SSH2: variants seen among roughly 807,000 people sequenced by gnomAD.
SSH2 encodes the protein protein phosphatase Slingshot homolog 2.
In SSH2, 37 loss-of-function variants were observed where a neutral mutation model predicts 135.2. That is an observed-to-expected ratio of 0.27 (90% confidence interval 0.21 to 0.36). The LOEUF (loss-of-function observed/expected upper bound fraction) is 0.36, where lower values mean the gene tolerates loss of function less well. Ranked by LOEUF, SSH2 falls within the 10% of genes least tolerant of loss-of-function variation. The probability of loss-of-function intolerance (pLI) is 1.00; values close to 1 mark genes in which losing one functional copy is unlikely to be tolerated. For synonymous variants in SSH2, 628 were observed against 646.2 expected, an observed-to-expected ratio of 0.97 and a Z score of 0.43; for missense variants, 1,408 against 1,765.3, an observed-to-expected ratio of 0.80 and a Z score of 3.63.
intron 4 of SSH2, among the ~76,000 whole-genome samples, chr17:29,700,249 C>T (rs1226744240): frequency 6.6e-6 from 1 of 152,144 alleles, no homozygotes; most frequent in South Asian, 2.1e-4. Context: ...TTTATGACAA[C>T]AAGCAATCAC....
At chr17:29,859,478 C>G (rs2065722868) in intron 1 of SSH2, among the ~76,000 whole-genome samples, 1 of 152,116 alleles carries the variant, frequency 6.6e-6, no homozygotes, top group African/African-American at 2.4e-5. Context: ...GCCCTGGTGT[C>G]TGTGTTCCCC....
At chr17:29,839,805 A>G (rs1334430294) in intron 2 of SSH2, among the ~76,000 whole-genome samples, 1 of 152,208 alleles carries the variant, frequency 6.6e-6, no homozygotes, top group East Asian at 1.9e-4. Flanking sequence ...CATTACATTC[A>G]AGGGCAAAGG....
intron 15 of SSH2, 105 bp from the exon 16 acceptor site, chr17:29,633,036 A>G (rs555334095): frequency 9.4e-5 from 97 of 1,035,824 alleles, no homozygotes; most frequent in Non-Finnish European, 4.5e-5. Flanking sequence ...CTATCTGACT[A>G]AGAGAATACA....
At position 29,632,225 on chromosome 17, in the gene SSH2, T is replaced by C; in HGVS notation, c.2969A>G (p.Asp990Gly). 1 of 1,613,902 alleles carries C rather than the reference T, an allele frequency of 6.2e-7. No individual in the cohort carries two copies. Among genetic ancestry groups the C allele is most frequent in the Non-Finnish European group, 8.5e-7 (1 of 1,179,912 alleles). Reference sequence around the variant, plus strand: ...GCCCTCCTGAGGATCTGGCAAGTGGTCAAACTCCAGCACCCTGGGAGCTGG... The same window carrying C: ...GCCCTCCTGAGGATCTGGCAAGTGGCCAAACTCCAGCACCCTGGGAGCTGG... Reference protein sequence around the residue: ...TVPAPRVLEFDHLPDPQEGPG... With the variant: ...TVPAPRVLEFGHLPDPQEGPG... Residue 990 changes from aspartate to glycine, a missense_variant, in exon 16 of 16, where the codon GAC (aspartate) becomes GGC (glycine). By Grantham distance (94) the Asp-to-Gly change is moderately conservative (BLOSUM62 -1). Around this residue, in one of 3 missense-constraint regions of SSH2, gnomAD observed 1,080 missense variants for 1,144.5 expected, o/e 0.94. Transcript: ENST00000540801.
chr17:29,869,026 A>G lies in SSH2; in HGVS notation c.64-20097T>C, dbSNP rs145481556. ...AAAAGATTCTAGCCATAAAATAGCA[A>G]TGCCCCAGAGCCAGAGAACAGAGGA... On this transcript the variant is annotated intron_variant, in intron 1 of 15. Transcript: ENST00000540801. Among the ~76,000 whole-genome samples, 133 of 152,320 alleles carry G rather than the reference A, an allele frequency of 8.7e-4. 1 individual carries two copies. The East Asian group carries it at 0.024, about 28-fold the overall frequency.
At chr17:29,781,809 C>A (rs1414459298) in intron 3 of SSH2, among the ~76,000 whole-genome samples, 1 of 150,152 alleles carries the variant, frequency 6.7e-6, no homozygotes, top group Non-Finnish European at 1.5e-5. Context: ...CTTTTCTTCT[C>A]CTCTCCTCTC....
At chr17:29,838,861 A>G (rs910927583) in intron 2 of SSH2, 15 of 184,928 alleles carry the variant, frequency 8.1e-5, no homozygotes, top group African/African-American at 2.6e-4. Flanking sequence ...AGAATTCGGG[A>G]CCTGCCGAAT....
At chr17:29,733,973 C>A (rs1236259422) in intron 3 of SSH2, among the ~76,000 whole-genome samples, 4 of 144,678 alleles carry the variant, frequency 2.8e-5, no homozygotes, top group African/African-American at 7.8e-5. Flanking sequence ...TGCAGTGGTG[C>A]GATCTTGGCT....
intron 3 of SSH2, among the ~76,000 whole-genome samples, chr17:29,738,120 C>G (rs1196254481): frequency 6.6e-6 from 1 of 152,174 alleles, no homozygotes; most frequent in Non-Finnish European, 1.5e-5. Flanking sequence ...ATGTTCCCCA[C>G]CCTGTGTCCA....
intron 1 of SSH2, among the ~76,000 whole-genome samples, chr17:29,881,045 T>C (rs1250053087): frequency 1.3e-5 from 2 of 152,254 alleles, no homozygotes; most frequent in Non-Finnish European, 2.9e-5. Context: ...TATTGAATTC[T>C]GAATAACATC....
chr17:29,766,889 G>C (rs2041459119), intron 3 of SSH2, among the ~76,000 whole-genome samples: 1 of 152,090 alleles, frequency 6.6e-6, no homozygotes, highest in Non-Finnish European at 1.5e-5. Flanking sequence ...GATAATATCT[G>C]AATTTTCACC....
Position 29,626,696 on chromosome 17 carries a change from C to G in SSH2, c.*4145G>C, listed in dbSNP as rs1206396004. The stretch of plus-strand genomic sequence containing the variant: ...CTCTTCATGACGTCAAGGGACCCCA[C>G]ACCCTGGGAGAAGGGTTAGGAGTGT... On this transcript the variant is annotated 3_prime_UTR_variant, in exon 16 of 16. Transcript: ENST00000540801. 6.5e-6 allele frequency: 1 copy of G among 152,698 alleles called. No homozygotes were observed. The highest frequency in any genetic ancestry group is 2.4e-5 in the African/African-American group (1 of 41,458). The allele number at this position is 152,698 out of a possible 1,614,324, so 9.5% of individuals were successfully genotyped here.
rs529533554 is a variant in SSH2 at position 29,740,430 on chromosome 17, CTTTTAT to C, written c.189-37374_189-37369del. Among the ~76,000 whole-genome samples the C allele has an allele frequency of 2.2e-4, 31 of 143,748 alleles. 2 individuals are homozygous for C. In the East Asian group the frequency reaches 6.1e-3, roughly 28 times the overall value. The allele number at this position is 143,748 out of a possible 152,430, so 94.3% of individuals were successfully genotyped here. On this transcript the variant is annotated intron_variant, in intron 3 of 15. Transcript: ENST00000540801. ...AACCTCCTTCCTGTCTATTCTTTTT[CTTTTAT>C]TTTATTACCCTCTTTTTTTTTTTTC... is the stretch of plus-strand genomic sequence containing the variant.
intron 1 of SSH2, among the ~76,000 whole-genome samples, chr17:29,898,029 C>T (rs2066476465): frequency 6.6e-6 from 1 of 152,140 alleles, no homozygotes; most frequent in Non-Finnish European, 1.5e-5. Context: ...TGTATGACTA[C>T]TGGGTACATA....
chr17:29,720,337 T>C (rs1483725647), intron 3 of SSH2, among the ~76,000 whole-genome samples: 1 of 152,240 alleles, frequency 6.6e-6, no homozygotes, highest in African/African-American at 2.4e-5. Flanking sequence ...CTGAACTCCA[T>C]CTGCAAAACA....
At chr17:29,867,687 C>T (rs2065876106) in intron 1 of SSH2, among the ~76,000 whole-genome samples, 1 of 152,042 alleles carries the variant, frequency 6.6e-6, no homozygotes, top group South Asian at 2.1e-4. Context: ...GGGATGTATG[C>T]CAGGAAAGAA....
At chr17:29,768,911 G>A (rs1361224431) in intron 3 of SSH2, among the ~76,000 whole-genome samples, 1 of 152,016 alleles carries the variant, frequency 6.6e-6, no homozygotes, top group African/African-American at 2.4e-5. Context: ...TGTGTGTCAG[G>A]TGCTCTATTA....
At chr17:29,780,617 G>C (rs2041819432) in intron 3 of SSH2, 1 of 151,908 alleles carries the variant, frequency 6.6e-6, no homozygotes, top group African/African-American at 2.4e-5. Context: ...TAGAGACGGG[G>C]TTTCACCATG....
intron 5 of SSH2, among the ~76,000 whole-genome samples, chr17:29,686,938 G>A (rs1294187257): frequency 1.3e-5 from 2 of 152,168 alleles, no homozygotes; most frequent in African/African-American, 4.8e-5. Flanking sequence ...GCCTCCCAAA[G>A]TGGTGGGATT....
Sources: allele counts gnomAD v4.1 joint callset (sites outside exome capture counted in the v4.1 genomes callset), GRCh38; gene constraint gnomAD v4.1.1; regional missense constraint gnomAD v4.1.1; transcripts MANE v1.5; gene names NCBI Gene and HGNC (gene_info 2026-07-23, HGNC 2026-07-21).